The following B4GALNT4 variants were observed in gnomAD, a reference collection of about 807,000 sequenced individuals.
B4GALNT4 encodes the protein N-acetyl-beta-glucosaminyl-glycoprotein 4-beta-N-acetylgalactosaminyltransferase 1.
Under a neutral mutation model 110.0 loss-of-function variants are expected in B4GALNT4, and 77 were observed. The ratio of observed to expected loss-of-function variants is 0.70; its 90% CI spans 0.58 to 0.85. The LOEUF (loss-of-function observed/expected upper bound fraction) is 0.85, where lower values mean the gene tolerates loss of function less well. Among genes scored for constraint, B4GALNT4 ranks in the 40% least tolerant of loss-of-function variants. The pLI is 0.00. For synonymous variants in B4GALNT4, 785 were observed against 655.5 expected, an observed-to-expected ratio of 1.20 and a Z score of -3.02; for missense variants, 1,575 against 1,506.0, an observed-to-expected ratio of 1.05 and a Z score of -0.76.
intron 18 of B4GALNT4, 56 bp from the exon 19 acceptor site, chr11:380,769 G>T: frequency 1.9e-6 from 3 of 1,585,224 alleles, no homozygotes; most frequent in South Asian, 1.1e-5. Flanking sequence ...CGCTTTGCCG[G>T]GGGGACCTTG....
intron 5 of B4GALNT4, 21 bp downstream of exon 5, chr11:373,137 CG>C (rs778194432): frequency 1.2e-6 from 2 of 1,612,366 alleles, no homozygotes; most frequent in East Asian, 2.2e-5. Context: ...GAGGGTGCCC[CG>C]GGGGAGGGGT....
chr11:381,238 G>A (rs1483779866), intron 19 of B4GALNT4: 5 of 728,382 alleles, frequency 6.9e-6, no homozygotes, highest in Non-Finnish European at 8.4e-6. Flanking sequence ...TCCCACTGGG[G>A]CCATGCAGGC....
chr11:375,652 G>C lies in B4GALNT4; in HGVS notation c.864G>C (p.Leu288Phe), dbSNP rs764191290. ...HISLYTDESA[L>F]KMDHVAHVPQ... ...TTCTGCCCCCAGATGAGTCAGCCTT[G>C]AAGATGGACCACGTGGCGCACGTCC... Residue 288 changes from leucine to phenylalanine, a missense_variant, in exon 10 of 20, where the codon TTG becomes TTC. Coordinates refer to ENST00000329962, the MANE Select transcript of B4GALNT4 (RefSeq NM_178537.5). 1.3e-6 allele frequency: 2 copies of C among 1,592,248 alleles called. No individual in the cohort carries two copies. Among genetic ancestry groups the C allele is most frequent in the Non-Finnish European group, 8.5e-7 (1 of 1,173,948 alleles).
chr11:376,692 A>G lies in B4GALNT4; in HGVS notation c.1569A>G (p.Pro523=). 3.5e-6 allele frequency: 5 copies of G among 1,425,716 alleles called. No homozygotes were observed. Among genetic ancestry groups the G allele is most frequent in the Non-Finnish European group, 4.6e-6 (5 of 1,094,790 alleles). 88.3% of individuals were successfully genotyped at this position (1,425,716 alleles called of 1,614,324 possible). A position where few individuals can be genotyped will look rare whatever the true frequency, so the allele number is the denominator to read the frequency against. ...PPRPAVEQPP[P]KVYVTRVRPG... ...GCCCTGCAGTGGAGCAGCCGCCCCC[A>G]AAGGTGTACGTGACCAGGGTGCGGC... Residue 523 remains proline, a synonymous_variant, in exon 14 of 20, where the codon CCA becomes CCG. Coordinates refer to ENST00000329962, the MANE Select transcript of B4GALNT4 (RefSeq NM_178537.5).
chr11:373,166 C>T (rs919406242), intron 5 of B4GALNT4, 25 bp from the exon 6 acceptor site: 1 of 1,612,102 alleles, frequency 6.2e-7, no homozygotes, highest in Middle Eastern at 1.7e-4. Context: ...GGCTCCACCC[C>T]CCTGAGCCTA....
rs771910150 is a variant in B4GALNT4, at chr11:379,509, C to G, written c.2296C>G (p.Arg766Gly). The G allele has an allele frequency of 6.3e-7, 1 of 1,575,490 alleles. No homozygotes were observed. Among genetic ancestry groups the G allele is most frequent in the South Asian group, 1.1e-5 (1 of 87,784 alleles). The change falls in exon 15 of 20, where the codon CGC (arginine) becomes GGC (glycine). Residue 766 changes from arginine to glycine, a missense_variant. Coordinates refer to ENST00000329962, the MANE Select transcript of B4GALNT4 (RefSeq NM_178537.5). ...CCTGCTGGAGCTGGAGCTGCAGGAG[C>G]GCGGGGGCGGCCGCCTGCGACTGTC... ...RFLLELELQE[R>G]GGGRLRLSEY...
Position 377,335 on chromosome 11 carries a change from G to A in B4GALNT4, c.2204+8G>A, listed in dbSNP as rs778145623. ...GAACGCGCGCCACGGCGGGTATGGG[G>A]GCGGCCGAACGCGCGCCAGGGCGGT... On this transcript the variant is annotated splice_region_variant and intron_variant, in intron 14 of 19. Coordinates refer to ENST00000329962, the MANE Select transcript of B4GALNT4 (RefSeq NM_178537.5). The A allele has an allele frequency of 1.3e-5, 20 of 1,509,588 alleles. No homozygotes were observed. In the South Asian group the frequency reaches 2.3e-4, roughly 17 times the overall value. 93.5% of individuals were successfully genotyped at this position (1,509,588 alleles called of 1,614,324 possible). A position where few individuals can be genotyped will look rare whatever the true frequency, so the allele number is the denominator to read the frequency against.
chr11:380,588 C>A lies in B4GALNT4; in HGVS notation c.2869+143C>A, dbSNP rs961413157. 3.4e-5 allele frequency: 44 copies of A among 1,312,784 alleles called. No individual in the cohort carries two copies. In the African/African-American group the frequency reaches 3.9e-4, roughly 12 times the overall value. 81.3% of individuals were successfully genotyped at this position (1,312,784 alleles called of 1,614,324 possible). A position where few individuals can be genotyped will look rare whatever the true frequency, so the allele number is the denominator to read the frequency against. On this transcript the variant is annotated intron_variant, in intron 18 of 19. Coordinates refer to ENST00000329962, the MANE Select transcript of B4GALNT4 (RefSeq NM_178537.5). ...TCCCCGTAGTGCCCAGAGCCCCAGT[C>A]CCCCCGCACCAGCACACCCAGGGCC...
In B4GALNT4 at chr11:377,371, G is replaced by A. The variant is rs1360434200; in HGVS notation, c.2204+44G>A. On this transcript the variant is annotated intron_variant, in intron 14 of 19. Transcript: ENST00000329962. ...GCGCGCCAGGGCGGTTTTGGAGGCG[G>A]GGACAGCCGGGGAGAGGAGGTCCTG... 2.1e-6 allele frequency: 3 copies of A among 1,448,320 alleles called. No individual in the cohort carries two copies. In the Admixed American group the frequency reaches 7.5e-5, roughly 36 times the overall value. 89.7% of individuals were successfully genotyped at this position (1,448,320 alleles called of 1,614,324 possible).
chr11:372,245 C>T (rs1008869573), intron 2 of B4GALNT4, 33 bp downstream of exon 2: 22 of 1,536,600 alleles, frequency 1.4e-5, no homozygotes, highest in East Asian at 4.9e-5. Context: ...CACGTGTGCA[C>T]GGAGACGAGA....
Position 373,285 on chromosome 11 carries a change from G to A in B4GALNT4, c.630G>A (p.Val210=). Residue 210 remains valine (V), a synonymous_variant, in exon 6 of 20, where the codon GTG becomes GTA. Transcript: ENST00000329962. ...SPAAAQLVAF[V]GKTGSEWTAP... The stretch of plus-strand genomic sequence containing the variant: ...CTGCTGCCCAGCTTGTGGCCTTTGT[G>A]GGCAAGGTACCCCCACCCCAGCCCT... 1 of 1,608,612 alleles carries A rather than the reference G, an allele frequency of 6.2e-7. No individual in the cohort carries two copies. Among genetic ancestry groups the A allele is most frequent in the South Asian group, 1.1e-5 (1 of 90,978 alleles).
chr11:373,316 C>T (rs751577467), intron 6 of B4GALNT4, 25 bp downstream of exon 6: 103 of 1,595,416 alleles, frequency 6.5e-5, no homozygotes, highest in Non-Finnish European at 7.2e-5. Flanking sequence ...GCCCTGGTGT[C>T]GTCCCGGGCC....
Position 380,372 on chromosome 11 carries a change from C to T in B4GALNT4, c.2796C>T (p.Cys932=), listed in dbSNP as rs1846849409. ...TCCTGGACGGCATCCGCAAGCACTG[C>T]GTGGAGGGCAGGCTGGCCTTCGCGC... ...PNILDGIRKH[C]VEGRLAFAPV... Residue 932 remains cysteine (C), a synonymous_variant, in exon 18 of 20, where the codon TGC becomes TGT. Transcript: ENST00000329962. The T allele has an allele frequency of 6.2e-7, 1 of 1,613,196 alleles. No individual in the cohort carries two copies. The highest frequency in any genetic ancestry group is 8.5e-7 in the Non-Finnish European group (1 of 1,179,780).
At chr11:372,801 G>T (rs1846641311) in intron 3 of B4GALNT4, 47 bp downstream of exon 3, 10 of 1,530,572 alleles carry the variant, frequency 6.5e-6, no homozygotes, top group Non-Finnish European at 7.0e-6. Context: ...GGCGGGGGCT[G>T]GGGCGGGGGG....
intron 14 of B4GALNT4, among the ~76,000 whole-genome samples, 168 bp downstream of exon 14, chr11:377,495 C>T (rs1454674653): frequency 6.6e-6 from 1 of 152,154 alleles, no homozygotes; most frequent in Non-Finnish European, 1.5e-5. Flanking sequence ...CAGCTTCTCT[C>T]CTTCCTTCCT....
At position 369,743 on chromosome 11, in the gene B4GALNT4, CG is replaced by C; in HGVS notation, c.-56del. ...GGCCGGGGATGCGGCGCGGGGCGGGCGGGGGCCGGGGGCTGCAGCGGCGCCG... is the reference window on the plus strand; with the variant it reads ...GGCCGGGGATGCGGCGCGGGGCGGGCGGGGCCGGGGGCTGCAGCGGCGCCG... On this transcript the variant is annotated 5_prime_UTR_variant, in exon 1 of 20. An upstream open reading frame in the 5' UTR loses its in-frame stop. Transcript: ENST00000329962. 2 of 836,884 alleles carry C rather than the reference CG, an allele frequency of 2.4e-6. No individual in the cohort carries two copies. Among genetic ancestry groups the C allele is most frequent in the Non-Finnish European group, 2.9e-6 (2 of 699,770 alleles). 51.8% of individuals were successfully genotyped at this position (836,884 alleles called of 1,614,324 possible). A position where few individuals can be genotyped will look rare whatever the true frequency, so the allele number is the denominator to read the frequency against.
rs1564866542 is a variant in B4GALNT4 at position 370,041 on chromosome 11, G to GCGCGGGGGGCGCGGGCGA, written c.151+93_151+94insGGGCGCGGGCGACGCGGG. 57 of 146,866 alleles carry GCGCGGGGGGCGCGGGCGA rather than the reference G, an allele frequency of 3.9e-4. 1 individual carries two copies. The East Asian group carries it at 6.5e-3, about 17-fold the overall frequency. 9.1% of individuals were successfully genotyped at this position (146,866 alleles called of 1,614,324 possible). A position where few individuals can be genotyped will look rare whatever the true frequency, so the allele number is the denominator to read the frequency against. ...GCGGGCGGCGCGGGGGGCGCGGGCG[G>GCGCGGGGGGCGCGGGCGA]CGCGGGCGGCGGGGGCCCCGGGGCG... On this transcript the variant is annotated intron_variant, in intron 1 of 19. Coordinates refer to ENST00000329962, the MANE Select transcript of B4GALNT4 (RefSeq NM_178537.5).
chr11:381,334 C>T (rs1467636977), intron 19 of B4GALNT4, among the ~76,000 whole-genome samples: 15 of 144,020 alleles, frequency 1.0e-4, no homozygotes, highest in African/African-American at 2.8e-4. Flanking sequence ...ACCACCTCTC[C>T]GCCCCCGGCC....
chr11:371,064 C>T (rs1846610553), intron 1 of B4GALNT4, among the ~76,000 whole-genome samples: 1 of 152,202 alleles, frequency 6.6e-6, no homozygotes, highest in African/African-American at 2.4e-5. Context: ...GCCCCCTCTG[C>T]AGGCTCCTCT....
Sources: gnomAD v4.1 joint callset for allele counts (sites outside exome capture counted in the v4.1 genomes callset) on GRCh38, gnomAD v4.1.1 for gene constraint, MANE v1.5 for transcripts, NCBI Gene and HGNC (gene_info 2026-07-23, HGNC 2026-07-21) for gene names.